Variants in AARS1 observed in about 807,000 individuals in gnomAD.
The protein encoded by AARS1 is alanine--tRNA ligase, cytoplasmic.
AARS1 carries 72 observed loss-of-function variants against 108.9 expected under a neutral mutation model. The observed-to-expected ratio is 0.66, with a 90% CI of 0.55 to 0.80. AARS1 has a LOEUF of 0.80. AARS1 is among the 30% of genes least tolerant of loss of function. The pLI is 0.00. For missense variants in AARS1, 1,193 were observed against 1,233.2 expected (o/e 0.97, Z 0.49); for synonymous variants, 489 against 465.7 (o/e 1.05, Z -0.64).
chr16:70,255,663 G>C (rs1959970726), intron 16 of AARS1, 65 bp downstream of exon 16: 1 of 1,423,842 alleles, frequency 7.0e-7, no homozygotes, highest in South Asian at 1.2e-5. Context: ...TTTGCTCTAT[G>C]GATTCGCAGA....
chr16:70,279,022 G>A (rs111698902), intron 2 of AARS1, among the ~76,000 whole-genome samples: 2,434 of 152,274 alleles, frequency 0.016, 55 homozygotes, highest in African/African-American at 0.055. Flanking sequence ...CACACAGTAA[G>A]TGCTGCATGC....
At chr16:70,262,998 A>AAAAAAAAAAG (rs1960179806) in intron 11 of AARS1, among the ~76,000 whole-genome samples, 1 of 130,776 alleles carries the variant, frequency 7.6e-6, no homozygotes, top group Non-Finnish European at 1.6e-5. Flanking sequence ...AAAAAAAAAA[A>AAAAAAAAAAG]CAACAACAAC....
intron 15 of AARS1, among the ~76,000 whole-genome samples, chr16:70,257,300 T>G (rs1329281640): frequency 1.3e-5 from 2 of 151,212 alleles, no homozygotes; most frequent in Non-Finnish European, 2.9e-5. Context: ...ATGCCTATAG[T>G]CCCAGCTACT....
intron 15 of AARS1, among the ~76,000 whole-genome samples, chr16:70,257,410 A>C (rs1386287283): frequency 6.6e-6 from 1 of 152,150 alleles, no homozygotes; most frequent in Non-Finnish European, 1.5e-5. Flanking sequence ...GCAAGACTCC[A>C]CTTCAAAAAA....
At chr16:70,268,195 C>T in intron 8 of AARS1, 76 bp downstream of exon 8, 3 of 1,352,914 alleles carry the variant, frequency 2.2e-6, no homozygotes, top group South Asian at 2.4e-5. Flanking sequence ...AGCTGCTTAA[C>T]AGTATGCCCT....
chr16:70,256,841 G>A (rs764485390), intron 15 of AARS1, among the ~76,000 whole-genome samples: 5 of 152,178 alleles, frequency 3.3e-5, no homozygotes, highest in Non-Finnish European at 5.9e-5. Context: ...TCAGCCGGGC[G>A]TGGTGGCTCA....
chr16:70,284,395 G>A (rs1960789845), intron 1 of AARS1, among the ~76,000 whole-genome samples: 1 of 151,236 alleles, frequency 6.6e-6, no homozygotes, highest in South Asian at 2.1e-4. Context: ...GAGGTCAGGA[G>A]ATCAAGACTA....
intron 11 of AARS1, among the ~76,000 whole-genome samples, chr16:70,264,726 T>C (rs1281213718): frequency 6.7e-6 from 1 of 148,626 alleles, no homozygotes; most frequent in Non-Finnish European, 1.5e-5. Context: ...AGACCCTTCC[T>C]ACAAATTTTT....
At chr16:70,269,049 C>T (rs1397177370) in intron 7 of AARS1, among the ~76,000 whole-genome samples, 1 of 152,014 alleles carries the variant, frequency 6.6e-6, no homozygotes, top group Non-Finnish European at 1.5e-5. Flanking sequence ...TCTGGCCGGG[C>T]ACGGTGGCTC....
rs533029846 is a variant in AARS1, at chr16:70,253,999, C to T, written c.2440G>A (p.Glu814Lys). 1.1e-5 allele frequency: 18 copies of T among 1,614,216 alleles called. No individual in the cohort carries two copies. Among genetic ancestry groups the T allele is most frequent in the South Asian group, 2.2e-5 (2 of 91,082 alleles). The change falls in exon 18 of 21, where the codon GAA (glutamate) becomes AAA (lysine). Residue 814 changes from glutamate to lysine, a missense_variant. Glu to Lys is a moderately conservative substitution (Grantham distance 56). Transcript: ENST00000261772. The part of the protein sequence containing the change: ...TAVIPQWQKD[E>K]LRETLKSLKK... ...AGGGATTTGAGAGTCTCCCGCAATT[C>T]ATCCTTCTGCCACTGGGGGATGACT...
chr16:70,272,948 T>C (rs1960445719), intron 4 of AARS1, among the ~76,000 whole-genome samples: 1 of 148,468 alleles, frequency 6.7e-6, no homozygotes, highest in African/African-American at 2.6e-5. Flanking sequence ...GCTTATCTTT[T>C]AAAAGCTACA....
chr16:70,289,437 G>A lies in AARS1; in HGVS notation c.-38C>T, dbSNP rs1200710936. The A allele has an allele frequency of 1.7e-5, 7 of 404,790 alleles. No individual in the cohort carries two copies. The highest frequency in any genetic ancestry group is 1.0e-5 in the Non-Finnish European group (2 of 200,974). The allele number at this position is 404,790 out of a possible 1,614,324, so 25.1% of individuals were successfully genotyped here. ...GCGGCCTACCTCTCCTAGGGTCGCCGTCCCCAGCTCCTCCCTCAGAGTCCC... is the reference window on the plus strand; with the variant it reads ...GCGGCCTACCTCTCCTAGGGTCGCCATCCCCAGCTCCTCCCTCAGAGTCCC... On this transcript the variant is annotated 5_prime_UTR_variant, in exon 1 of 21. The change creates a new upstream start codon in the 5' untranslated region. Transcript: ENST00000261772.
chr16:70,275,545 G>A (rs184345324), intron 4 of AARS1, among the ~76,000 whole-genome samples: 229 of 151,872 alleles, frequency 1.5e-3, no homozygotes, highest in Middle Eastern at 0.014. Flanking sequence ...GGCGGATCAC[G>A]AGGTCAGGAG....
chr16:70,259,625 G>C lies in AARS1; in HGVS notation c.1786-439C>G, dbSNP rs140866982. Among the ~76,000 whole-genome samples the C allele has an allele frequency of 5.8e-3, 887 of 152,050 alleles. 10 individuals are homozygous for C. Among genetic ancestry groups the C allele is most frequent in the African/African-American group, 0.02 (827 of 41,456 alleles). On this transcript the variant is annotated intron_variant, in intron 13 of 20. Coordinates refer to ENST00000261772, the MANE Select transcript of AARS1 (RefSeq NM_001605.3). Reference sequence around the variant, plus strand: ...AGCCTCCCAAGTAGCTGGGACTACAGGCACACACCACTACCCCCAACTAAT... The same window carrying C: ...AGCCTCCCAAGTAGCTGGGACTACACGCACACACCACTACCCCCAACTAAT...
chr16:70,261,025 C>A lies in AARS1; in HGVS notation c.1785+19G>T. On this transcript the variant is annotated intron_variant, in intron 13 of 20. Coordinates refer to ENST00000261772, the MANE Select transcript of AARS1 (RefSeq NM_001605.3). ...AATTACTAACCAGATCCAATGGGGG[C>A]CACAGTAACCCAACTCACCTCATCA... 1 of 1,574,424 alleles carries A rather than the reference C, an allele frequency of 6.4e-7. No individual in the cohort carries two copies. Among genetic ancestry groups the A allele is most frequent in the Non-Finnish European group, 8.7e-7 (1 of 1,144,552 alleles).
At chr16:70,253,616 C>T (rs1462035587) in intron 19 of AARS1, 98 bp downstream of exon 19, 3 of 1,389,054 alleles carry the variant, frequency 2.2e-6, no homozygotes, top group South Asian at 1.2e-5. Context: ...AGACCGTGGG[C>T]CCTTAGGCAA....
intron 3 of AARS1, 123 bp from the exon 4 acceptor site, chr16:70,276,754 G>T: frequency 7.9e-7 from 1 of 1,266,472 alleles, no homozygotes. Context: ...TCAAATTCAA[G>T]ATCAGTTTAT....
chr16:70,261,733 A>C (rs917691902), intron 12 of AARS1, among the ~76,000 whole-genome samples: 25 of 145,602 alleles, frequency 1.7e-4, no homozygotes, highest in African/African-American at 6.5e-4. Flanking sequence ...GCAGTGGCGC[A>C]ATCTCGGCTC....
intron 14 of AARS1, among the ~76,000 whole-genome samples, chr16:70,258,435 T>A (rs537139641): frequency 6.6e-6 from 1 of 152,344 alleles, no homozygotes; most frequent in East Asian, 1.9e-4. Context: ...AAATCTCATA[T>A]GTGAACAGAC....
Sources: gnomAD v4.1 joint callset for allele counts (sites outside exome capture counted in the v4.1 genomes callset) on GRCh38, gnomAD v4.1.1 for gene constraint, MANE v1.5 for transcripts, NCBI Gene and HGNC (gene_info 2026-07-23, HGNC 2026-07-21) for gene names.